ADGRE1: variants seen among roughly 807,000 people sequenced by gnomAD.
ADGRE1 encodes adhesion G protein-coupled receptor E1.
ADGRE1 carries 82 observed loss-of-function variants against 102.7 expected under a neutral mutation model. The ratio of observed to expected loss-of-function variants is 0.80; its 90% CI spans 0.67 to 0.96. The LOEUF (loss-of-function observed/expected upper bound fraction) is 0.96. ADGRE1 is among the 40% of genes least tolerant of loss of function. ADGRE1 has a pLI of 0.00. For synonymous variants in ADGRE1, 398 were observed against 399.6 expected (o/e 1.00, Z 0.05); for missense variants, 1,032 against 1,085.3 (o/e 0.95, Z 0.69).
rs1167152432 is a variant in ADGRE1 at position 6,901,885 on chromosome 19, A to G, written c.525A>G (p.Glu175=). 2.5e-6 allele frequency: 4 copies of G among 1,614,162 alleles called. No individual in the cohort carries two copies. The highest frequency in any genetic ancestry group is 3.4e-6 in the Non-Finnish European group (4 of 1,180,016). The change falls in exon 6 of 21, where the codon GAA becomes GAG. Residue 175 remains glutamate (E), a synonymous_variant. Coordinates refer to ENST00000312053, the MANE Select transcript of ADGRE1 (RefSeq NM_001974.5). The part of the protein sequence containing the change: ...SRNSTCEDVD[E]CADPRACPEH... ...TCTTCCACTCTTCAGACGTGGATGA[A>G]TGTGCAGATCCAAGAGCTTGCCCAG...
intron 18 of ADGRE1, among the ~76,000 whole-genome samples, chr19:6,936,978 G>A (rs1291475365): frequency 6.6e-6 from 1 of 152,092 alleles, no homozygotes; most frequent in Admixed American, 6.5e-5. Flanking sequence ...GGCTGGTCTC[G>A]AACTTCTGTC....
At chr19:6,903,336 G>A (rs1973836428) in intron 6 of ADGRE1, among the ~76,000 whole-genome samples, 2 of 152,150 alleles carry the variant, frequency 1.3e-5, no homozygotes, top group African/African-American at 4.8e-5. Context: ...CCTCAATTTT[G>A]TCCAGTGTCT....
chr19:6,920,470 T>A (rs2354116), intron 13 of ADGRE1, among the ~76,000 whole-genome samples: 1 of 145,956 alleles, frequency 6.9e-6, no homozygotes, highest in Admixed American at 7.0e-5. Context: ...CCGCCCGCTT[T>A]GGCCTCCCAA....
chr19:6,890,532 C>T lies in ADGRE1; in HGVS notation c.83C>T (p.Pro28Leu), dbSNP rs1375728218. ...WEGHIRPTRKPNTKGNNCRDS... is the reference protein window; with the variant it reads ...WEGHIRPTRKLNTKGNNCRDS... ...GGGCACATAAGACCCACACGGAAAC[C>T]AAACACAAAGGGTAAGTTGGCCAGA... Residue 28 changes from proline to leucine, a missense_variant, in exon 2 of 21, where the codon CCA becomes CTA. Transcript: ENST00000312053. 3 of 1,610,388 alleles carry T rather than the reference C, an allele frequency of 1.9e-6. No homozygotes were observed. The highest frequency in any genetic ancestry group is 2.5e-6 in the Non-Finnish European group (3 of 1,178,660).
At chr19:6,917,912 T>A (rs1974460272) in intron 12 of ADGRE1, among the ~76,000 whole-genome samples, 2 of 152,048 alleles carry the variant, frequency 1.3e-5, no homozygotes, top group Admixed American at 1.3e-4. Context: ...ATATGGGCAA[T>A]CCATTGGAGA....
intron 16 of ADGRE1, among the ~76,000 whole-genome samples, chr19:6,927,914 G>T (rs1974987104): frequency 6.6e-6 from 1 of 152,126 alleles, no homozygotes. Flanking sequence ...TGGGAAATGA[G>T]CTCAACCTTG....
rs369711632 is a variant in ADGRE1 at position 6,903,800 on chromosome 19, T to C, written c.662-10T>C. On this transcript the variant is annotated splice_polypyrimidine_tract_variant and intron_variant, in intron 6 of 20. Transcript: ENST00000312053. ...CCAACTTGGCTCCACACCCATTCTG[T>C]ACCCCACAGATATTGATGAATGCAC... 6.2e-7 allele frequency: 1 copy of C among 1,613,838 alleles called. No individual in the cohort carries two copies. The highest frequency in any genetic ancestry group is 8.5e-7 in the Non-Finnish European group (1 of 1,179,884).
intron 2 of ADGRE1, among the ~76,000 whole-genome samples, chr19:6,893,263 T>G (rs1158436586): frequency 6.6e-6 from 1 of 152,132 alleles, no homozygotes; most frequent in Non-Finnish European, 1.5e-5. Context: ...AATGGCGCAA[T>G]CTTGGGTCAC....
At chr19:6,900,511 G>A (rs1973727618) in intron 5 of ADGRE1, among the ~76,000 whole-genome samples, 1 of 152,078 alleles carries the variant, frequency 6.6e-6, no homozygotes, top group African/African-American at 2.4e-5. Flanking sequence ...ATAAATATGT[G>A]TTGAATTCCT....
intron 18 of ADGRE1, among the ~76,000 whole-genome samples, chr19:6,936,941 A>G (rs962081812): frequency 6.6e-6 from 1 of 152,074 alleles, no homozygotes; most frequent in African/African-American, 2.4e-5. Flanking sequence ...TATTTTTAGT[A>G]GAGATGGGTT....
chr19:6,909,499 C>T (rs945347896), intron 10 of ADGRE1, among the ~76,000 whole-genome samples: 2 of 152,176 alleles, frequency 1.3e-5, no homozygotes, highest in Non-Finnish European at 2.9e-5. Context: ...GCTTCTTTGA[C>T]TCAGCATAGT....
chr19:6,899,450 G>A (rs182342438), intron 5 of ADGRE1, among the ~76,000 whole-genome samples: 3 of 151,282 alleles, frequency 2.0e-5, no homozygotes, highest in Non-Finnish European at 3.0e-5. Flanking sequence ...AGGCCAAGGC[G>A]GATGGATCAC....
intron 2 of ADGRE1, among the ~76,000 whole-genome samples, chr19:6,893,898 C>G (rs372210960): frequency 1.6e-3 from 251 of 152,302 alleles, no homozygotes; most frequent in Non-Finnish European, 2.3e-3. Context: ...TACGGAAGAA[C>G]TATTTTCTTA....
At chr19:6,918,632 G>T (rs1974497629) in intron 12 of ADGRE1, among the ~76,000 whole-genome samples, 1 of 152,136 alleles carries the variant, frequency 6.6e-6, no homozygotes, top group Admixed American at 6.5e-5. Context: ...CCATAGATGT[G>T]GGAGAACTTA....
intron 20 of ADGRE1, among the ~76,000 whole-genome samples, chr19:6,938,839 A>G (rs1260459241): frequency 6.8e-6 from 1 of 146,304 alleles, no homozygotes; most frequent in Non-Finnish European, 1.5e-5. Context: ...TCTGTAACCC[A>G]GGCTGGAGTG....
intron 15 of ADGRE1, 36 bp from the exon 16 acceptor site, chr19:6,926,330 G>C (rs759089131): frequency 2.7e-5 from 44 of 1,605,320 alleles, no homozygotes; most frequent in Admixed American, 6.7e-5. Context: ...TCTCTCTGGG[G>C]TGGAGGATTC....
At position 6,916,173 on chromosome 19, in the gene ADGRE1, C is replaced by CT. The variant is rs1414281367; in HGVS notation, c.1301-69dup. The CT allele has an allele frequency of 1.3e-5, 20 of 1,533,990 alleles. No individual in the cohort carries two copies. The Middle Eastern group carries it at 5.2e-4, about 40-fold the overall frequency. ...TTTGCTCGCCATGATGGAGGTGTAC[C>CT]TTTTTTTGGACAGAAACCAAATTCA... On this transcript the variant is annotated intron_variant, in intron 11 of 20. Coordinates refer to ENST00000312053, the MANE Select transcript of ADGRE1 (RefSeq NM_001974.5).
At chr19:6,934,404 ATTC>A (rs1174459306) in intron 17 of ADGRE1, among the ~76,000 whole-genome samples, 44 of 143,972 alleles carry the variant, frequency 3.1e-4, no homozygotes, top group African/African-American at 7.7e-4. Flanking sequence ...GTGGGTCAGA[ATTC>A]TTCTTCTTCT....
In ADGRE1 at chr19:6,901,903, T is replaced by C; in HGVS notation, c.543T>C (p.Ala181=). The change falls in exon 6 of 21, where the codon GCT becomes GCC. Residue 181 remains alanine, a synonymous_variant. Coordinates refer to ENST00000312053, the MANE Select transcript of ADGRE1 (RefSeq NM_001974.5). ...EDVDECADPR[A]CPEHATCNNT... is the part of the protein sequence containing the mutation. ...TGGATGAATGTGCAGATCCAAGAGC[T>C]TGCCCAGAGCATGCAACTTGTAATA... The C allele has an allele frequency of 6.2e-7, 1 of 1,614,196 alleles. No individual in the cohort carries two copies. The highest frequency in any genetic ancestry group is 8.5e-7 in the Non-Finnish European group (1 of 1,180,008).
Sources: allele counts gnomAD v4.1 joint callset (sites outside exome capture counted in the v4.1 genomes callset), GRCh38; gene constraint gnomAD v4.1.1; transcripts MANE v1.5; gene names NCBI Gene and HGNC (gene_info 2026-07-23, HGNC 2026-07-21).